The following TGFBRAP1 variants were observed in gnomAD, a reference collection of about 807,000 sequenced individuals.
The protein encoded by TGFBRAP1 is transforming growth factor-beta receptor-associated protein 1.
Under a neutral mutation model 83.2 loss-of-function variants are expected in TGFBRAP1, and 20 were observed. The ratio of observed to expected loss-of-function variants is 0.24; its 90% CI spans 0.17 to 0.35. The LOEUF (loss-of-function observed/expected upper bound fraction) is 0.35. TGFBRAP1 is among the 10% of genes least tolerant of loss of function. The pLI, the probability that TGFBRAP1 is intolerant of heterozygous loss-of-function variation, is 1.00. For missense variants in TGFBRAP1, 950 were observed against 1,099.4 expected (o/e 0.86, Z 1.92); for synonymous variants, 415 against 459.8 (o/e 0.90, Z 1.25).
At chr2:105,254,328 A>G in the TGFBRAP1 span, among the ~76,000 whole-genome samples, 1 of 152,152 alleles carries the variant, frequency 6.6e-6, no homozygotes, top group East Asian at 1.9e-4. Flanking sequence ...CCTCACAGGC[A>G]GGCTGTGTCA....
intron 1 of TGFBRAP1, among the ~76,000 whole-genome samples, chr2:105,318,154 G>A (rs1290899980): frequency 6.6e-6 from 1 of 152,156 alleles, no homozygotes; most frequent in Non-Finnish European, 1.5e-5. Flanking sequence ...CCAGGGCAAA[G>A]AAAGTCCACA....
Position 105,317,886 on chromosome 2 carries a change from A to C in TGFBRAP1, c.-17-9568T>G, listed in dbSNP as rs796973581. On this transcript the variant is annotated intron_variant, in intron 1 of 11. Coordinates refer to ENST00000393359, the MANE Select transcript of TGFBRAP1 (RefSeq NM_004257.6). ...TATCCAATAAACACGAAAGAACACAACCTGATTAGCACCTGGAATTTGCAA... is the reference window on the plus strand; with the variant it reads ...TATCCAATAAACACGAAAGAACACACCCTGATTAGCACCTGGAATTTGCAA... 2.0e-4 allele frequency among the ~76,000 whole-genome samples: 31 copies of C among 152,236 alleles called. 1 individual carries two copies. Among genetic ancestry groups the C allele is most frequent in the Admixed American group, 5.9e-4 (9 of 15,290 alleles).
chr2:105,299,356 G>T (rs1459096665), intron 2 of TGFBRAP1, among the ~76,000 whole-genome samples: 1 of 152,050 alleles, frequency 6.6e-6, no homozygotes, highest in African/African-American at 2.4e-5. Context: ...GATTGACAAA[G>T]CATGTGTCCT....
In TGFBRAP1 at chr2:105,269,602, G is replaced by C; in HGVS notation, c.2076C>G (p.Asp692Glu). ...GGCAGTAGTCCTCGGCCGCTGCAAA[G>C]TCCTGCAGCTCGTGCACCAGGATAT... ...ALHILVHELQDFAAAEDYCLW... is the reference protein window; with the variant it reads ...ALHILVHELQEFAAAEDYCLW... Residue 692 changes from aspartate (D) to glutamate (E), a missense_variant, in exon 11 of 12, where the codon GAC becomes GAG. By Grantham distance (45) the Asp-to-Glu change is conservative. Coordinates refer to ENST00000393359, the MANE Select transcript of TGFBRAP1 (RefSeq NM_004257.6). The surrounding 1 kb of genome is among the most constrained non-coding windows in gnomAD (Gnocchi z 4.1). 6.2e-7 allele frequency: 1 copy of C among 1,609,188 alleles called. No homozygotes were observed. Among genetic ancestry groups the C allele is most frequent in the Non-Finnish European group, 8.5e-7 (1 of 1,177,064 alleles).
chr2:105,308,160 G>A lies in TGFBRAP1; in HGVS notation c.142C>T (p.His48Tyr), dbSNP rs1165146488. 6.2e-7 allele frequency: 1 copy of A among 1,614,166 alleles called. No homozygotes were observed. Among genetic ancestry groups the A allele is most frequent in the Admixed American group, 1.7e-5 (1 of 60,028 alleles). ...ACTGGCCTCTCCTCCAACAGGAAGT[G>A]GTAGACGAAGCAGTCGTTGGTGCCC... is the stretch of plus-strand genomic sequence containing the variant. ...YVGTNDCFVY[H>Y]FLLEERPVPA... Residue 48 changes from histidine to tyrosine, a missense_variant, in exon 2 of 12, where the codon CAC becomes TAC. Transcript: ENST00000393359.
chr2:105,327,277 T>C (rs1336647414), intron 1 of TGFBRAP1: 2 of 152,040 alleles, frequency 1.3e-5, no homozygotes, highest in Non-Finnish European at 2.9e-5. Flanking sequence ...TACAGCAAGT[T>C]TTTTGGCTGG....
intron 2 of TGFBRAP1, among the ~76,000 whole-genome samples, chr2:105,304,855 C>T (rs1201740412): frequency 6.6e-6 from 1 of 152,002 alleles, no homozygotes; most frequent in Admixed American, 6.6e-5. Flanking sequence ...ACTGTATGGT[C>T]CCAACTAGAT....
At chr2:105,288,773 C>T (rs570427913) in intron 4 of TGFBRAP1, among the ~76,000 whole-genome samples, 1 of 152,158 alleles carries the variant, frequency 6.6e-6, no homozygotes, top group Non-Finnish European at 1.5e-5. Flanking sequence ...CCATGGCATT[C>T]TCCTTGTTAA....
At chr2:105,318,339 G>A (rs139255586) in intron 1 of TGFBRAP1, among the ~76,000 whole-genome samples, 2 of 152,274 alleles carry the variant, frequency 1.3e-5, no homozygotes, top group Admixed American at 1.3e-4. Flanking sequence ...GTATGGGTGT[G>A]CATGAGATTC....
chr2:105,266,181 AG>A lies in TGFBRAP1; in HGVS notation c.*1201del, dbSNP rs1676925724. 1 of 152,244 alleles carries A rather than the reference AG, an allele frequency of 6.6e-6. No individual in the cohort carries two copies. Among genetic ancestry groups the A allele is most frequent in the South Asian group, 2.1e-4 (1 of 4,832 alleles). The allele number at this position is 152,244 out of a possible 1,614,324, so 9.4% of individuals were successfully genotyped here. A position where few individuals can be genotyped will look rare whatever the true frequency, so the allele number is the denominator to read the frequency against. ...AAGGAGAGGCCGTTGCTGTGTGTTC[AG>A]GACACCTCAGAGCAGGCACATAAAG... On this transcript the variant is annotated 3_prime_UTR_variant, in exon 12 of 12. Transcript: ENST00000393359.
chr2:105,302,968 C>T (rs987878176), intron 2 of TGFBRAP1, among the ~76,000 whole-genome samples: 2 of 152,034 alleles, frequency 1.3e-5, no homozygotes, highest in Admixed American at 1.3e-4. Context: ...ACTGTGGGAG[C>T]GGTAGTGCTG....
At chr2:105,276,398 C>T (rs548202214) in intron 7 of TGFBRAP1, among the ~76,000 whole-genome samples, 4 of 152,144 alleles carry the variant, frequency 2.6e-5, no homozygotes, top group South Asian at 2.1e-4. Context: ...CTCACCCACC[C>T]ATACACAGCA....
intron 2 of TGFBRAP1, among the ~76,000 whole-genome samples, chr2:105,299,551 C>T (rs1678213571): frequency 6.6e-6 from 1 of 151,866 alleles, no homozygotes; most frequent in African/African-American, 2.4e-5. Context: ...TGAACATCGC[C>T]CAACCAGAGA....
intron 3 of TGFBRAP1, 42 bp downstream of exon 3, chr2:105,298,469 G>A (rs762588364): frequency 1.3e-6 from 2 of 1,528,174 alleles, no homozygotes; most frequent in Admixed American, 2.1e-5. Context: ...TATCATAAAA[G>A]AGTTAAGTAA....
intron 11 of TGFBRAP1, among the ~76,000 whole-genome samples, chr2:105,268,444 A>C (rs1677024031): frequency 6.6e-6 from 1 of 152,260 alleles, no homozygotes; most frequent in South Asian, 2.1e-4. Context: ...AGGGAAAAAA[A>C]TAAAGGCTAA....
rs112382238 is a variant in TGFBRAP1, at chr2:105,281,078, G to A, written c.1122-355C>T. ...AGGATAACACGCCATCAGAGTCTGCGCAAAGGCACCATCACAGCTCTGCTG... is the reference window on the plus strand; with the variant it reads ...AGGATAACACGCCATCAGAGTCTGCACAAAGGCACCATCACAGCTCTGCTG... On this transcript the variant is annotated intron_variant, in intron 5 of 11. Coordinates refer to ENST00000393359, the MANE Select transcript of TGFBRAP1 (RefSeq NM_004257.6). Among the ~76,000 whole-genome samples, 441 of 152,288 alleles carry A rather than the reference G, an allele frequency of 2.9e-3. 1 individual carries two copies. Among genetic ancestry groups the A allele is most frequent in the Middle Eastern group, 0.02 (6 of 294 alleles).
intron 1 of TGFBRAP1, among the ~76,000 whole-genome samples, chr2:105,321,520 T>C (rs938435993): frequency 2.0e-5 from 3 of 152,068 alleles, no homozygotes; most frequent in Non-Finnish European, 2.9e-5. Context: ...AGAACTTTTA[T>C]AGAAAAAAAA....
At chr2:105,294,222 C>T (rs1293744160) in intron 4 of TGFBRAP1, among the ~76,000 whole-genome samples, 1 of 152,028 alleles carries the variant, frequency 6.6e-6, no homozygotes, top group Non-Finnish European at 1.5e-5. Context: ...GACATACTAT[C>T]CGGCTCACTG....
chr2:105,287,228 C>T (rs1319932908), intron 4 of TGFBRAP1, among the ~76,000 whole-genome samples: 4 of 151,962 alleles, frequency 2.6e-5, no homozygotes, highest in South Asian at 2.1e-4. Flanking sequence ...AGTTAGTGTT[C>T]GGTAGCACAG....
Sources: gnomAD v4.1 joint callset for allele counts (sites outside exome capture counted in the v4.1 genomes callset) on GRCh38, gnomAD v4.1.1 for gene constraint, Gnocchi (gnomAD v3.1) non-coding constraint, MANE v1.5 for transcripts, NCBI Gene and HGNC (gene_info 2026-07-23, HGNC 2026-07-21) for gene names.